The following TPO variants were observed in gnomAD, a reference collection of about 807,000 sequenced individuals.
TPO encodes thyroid peroxidase, also known as thyroid microsomal antigen.
A neutral mutation model predicts 96.9 loss-of-function variants in TPO; 78 were observed. The ratio of observed to expected loss-of-function variants is 0.81; its 90% confidence interval spans 0.67 to 0.97. The LOEUF is 0.97. Among genes scored for constraint, TPO ranks in the 50% least tolerant of loss-of-function variants. The pLI is 0.00. For synonymous variants in TPO, 547 were observed against 538.0 expected (o/e 1.02, Z -0.23); for missense variants, 1,252 against 1,274.8 (o/e 0.98, Z 0.27).
chr2:1,400,023 A>G (rs543992996), intron 1 of TPO, among the ~76,000 whole-genome samples: 20 of 152,120 alleles, frequency 1.3e-4, no homozygotes, highest in African/African-American at 4.8e-4. Flanking sequence ...TCCCCTTCCC[A>G]GTGTGGACAT....
At chr2:1,495,057 C>A (rs910646260) in intron 11 of TPO, among the ~76,000 whole-genome samples, 1 of 152,198 alleles carries the variant, frequency 6.6e-6, no homozygotes, top group Admixed American at 6.5e-5. Context: ...CAGCTTGCCC[C>A]ATACGTGTGT....
intron 7 of TPO, among the ~76,000 whole-genome samples, chr2:1,468,251 T>G (rs1669086595): frequency 6.6e-6 from 1 of 152,014 alleles, no homozygotes; most frequent in African/African-American, 2.4e-5. Flanking sequence ...ACCCCTTGGG[T>G]TTTTGTGATT....
intron 3 of TPO, among the ~76,000 whole-genome samples, chr2:1,426,982 G>A (rs184098152): frequency 8.4e-4 from 128 of 152,344 alleles, no homozygotes; most frequent in African/African-American, 3.0e-3. Flanking sequence ...CCTGCCTACG[G>A]AAGTGTTTAC....
intron 1 of TPO, among the ~76,000 whole-genome samples, chr2:1,393,930 C>T (rs1238961782): frequency 6.6e-6 from 1 of 152,204 alleles, no homozygotes; most frequent in East Asian, 1.9e-4. Context: ...TTTAAGTAGA[C>T]TGTGAAAGAT....
chr2:1,374,940 A>G lies in TPO; in HGVS notation n.180+538A>G, dbSNP rs1413655364. Among the ~76,000 whole-genome samples, 4 of 152,124 alleles carry G rather than the reference A, an allele frequency of 2.6e-5. No individual in the cohort carries two copies. The East Asian group carries it at 7.7e-4, about 29-fold the overall frequency. ...GAGACGGGGTTTCACTGTGTTAGCC[A>G]GGATGGTCTCGATCTCCTGAACTCG... On this transcript the variant is annotated intron_variant and non_coding_transcript_variant, in intron 1 of 5. Coordinates refer to the TPO transcript ENST00000497517.
intron 1 of TPO, among the ~76,000 whole-genome samples, chr2:1,392,404 G>A (rs1055573053): frequency 1.6e-4 from 24 of 152,164 alleles, no homozygotes; most frequent in African/African-American, 5.8e-4. Context: ...GATTTGGTTT[G>A]CCAGTATTTT....
intron 15 of TPO, among the ~76,000 whole-genome samples, chr2:1,538,738 A>G (rs1415564520): frequency 1.3e-5 from 2 of 152,220 alleles, no homozygotes; most frequent in South Asian, 4.1e-4. Context: ...GAGGGCTGCC[A>G]TAACAAAGAA....
intron 4 of TPO, among the ~76,000 whole-genome samples, chr2:1,435,715 T>C (rs1257178961): frequency 6.6e-6 from 1 of 152,156 alleles, no homozygotes; most frequent in Non-Finnish European, 1.5e-5. Flanking sequence ...TCTCGTCTCA[T>C]CTGGAAAGAT....
At chr2:1,538,042 G>A (rs1680258904) in intron 15 of TPO, among the ~76,000 whole-genome samples, 1 of 90,380 alleles carries the variant, frequency 1.1e-5, no homozygotes, top group South Asian at 3.7e-4. Context: ...CCCCCACTGT[G>A]TGCAACCTCC....
At chr2:1,525,626 C>G (rs1222788694) in intron 15 of TPO, among the ~76,000 whole-genome samples, 4 of 81,232 alleles carry the variant, frequency 4.9e-5, no homozygotes, top group South Asian at 6.4e-4. Flanking sequence ...GTGCAACCTC[C>G]TCAAATCCCC....
chr2:1,526,217 TCCC>T (rs1199207695), intron 15 of TPO, among the ~76,000 whole-genome samples: 3 of 41,090 alleles, frequency 7.3e-5, no homozygotes, highest in African/African-American at 1.1e-4. Flanking sequence ...CCTCCTCAAA[TCCC>T]CCCGATGTGT....
In TPO at chr2:1,542,504, C is replaced by T. The variant is rs879135362; in HGVS notation, c.*30C>T. On this transcript the variant is annotated 3_prime_UTR_variant, in exon 17 of 17. Coordinates refer to ENST00000329066, the MANE Select transcript of TPO (RefSeq NM_001206744.2). ...AAAGTGGCAGGACACTGCAGAACAG[C>T]TTCATGTTCCCAAAATCACCGTACG... is the stretch of plus-strand genomic sequence containing the variant. 5.6e-6 allele frequency: 9 copies of T among 1,613,680 alleles called. No homozygotes were observed. The highest frequency in any genetic ancestry group is 1.1e-5 in the South Asian group (1 of 90,920).
intron 3 of TPO, among the ~76,000 whole-genome samples, chr2:1,428,891 C>T (rs1375283129): frequency 1.3e-5 from 2 of 152,116 alleles, no homozygotes; most frequent in Non-Finnish European, 2.9e-5. Context: ...CTGACAATGT[C>T]ACTTGTGTCT....
chr2:1,493,709 C>G, intron 10 of TPO, 93 bp from the exon 11 acceptor site: 6 of 1,456,596 alleles, frequency 4.1e-6, no homozygotes, highest in Non-Finnish European at 5.8e-6. Context: ...TGCCCTGCTG[C>G]GCTTCCAGTC....
intron 10 of TPO, among the ~76,000 whole-genome samples, chr2:1,488,831 A>T (rs1180244973): frequency 6.6e-6 from 1 of 152,120 alleles, no homozygotes; most frequent in Non-Finnish European, 1.5e-5. Flanking sequence ...CTTCCTCACC[A>T]GTGGCATCTG....
At chr2:1,465,206 TGTAA>T (rs1668790129) in intron 7 of TPO, among the ~76,000 whole-genome samples, 1 of 152,220 alleles carries the variant, frequency 6.6e-6, no homozygotes, top group Non-Finnish European at 1.5e-5. Context: ...ATCAATTGGC[TGTAA>T]GTATTTGGGT....
At chr2:1,519,119 G>A (rs558126993) in intron 15 of TPO, among the ~76,000 whole-genome samples, 1 of 152,294 alleles carries the variant, frequency 6.6e-6, no homozygotes, top group Admixed American at 6.5e-5. Flanking sequence ...GGGAGGCCGG[G>A]GGAGCCGCCT....
At chr2:1,414,792 T>G (rs1011750187) in intron 2 of TPO, among the ~76,000 whole-genome samples, 6 of 152,236 alleles carry the variant, frequency 3.9e-5, no homozygotes, top group African/African-American at 1.4e-4. Flanking sequence ...TTTTCTTCCT[T>G]TGCTACAGAA....
chr2:1,422,344 C>CCTCGTGCAGGCGCCTCTCCTGGACA (rs1558264301), intron 2 of TPO, among the ~76,000 whole-genome samples: 2 of 77,520 alleles, frequency 2.6e-5, no homozygotes, highest in East Asian at 6.5e-4. Flanking sequence ...TCTCCTGGAC[C>CCTCGTGCAGGCGCCTCTCCTGGACA]GACCTCGTGC....
Sources: gnomAD v4.1 joint callset for allele counts (sites outside exome capture counted in the v4.1 genomes callset) on GRCh38, gnomAD v4.1.1 for gene constraint, MANE v1.5 for transcripts, NCBI Gene and HGNC (gene_info 2026-07-23, HGNC 2026-07-21) for gene names.